Variants in DDI1 observed in about 807,000 individuals in gnomAD.
DDI1 encodes the protein protein DDI1 homolog 1.
A neutral mutation model predicts 7.2 loss-of-function variants in DDI1; 6 were observed. The observed-to-expected ratio is 0.83, with a 90% CI of 0.46 to 1.64. DDI1 has a LOEUF of 1.64. Among genes scored for constraint, DDI1 ranks in the 40% most tolerant of loss-of-function variants. The pLI is 0.01. For missense variants in DDI1, 502 were observed against 516.6 expected, an observed-to-expected ratio of 0.97 and a Z score of 0.27; for synonymous variants, 221 against 201.7, an observed-to-expected ratio of 1.10 and a Z score of -0.81.
At position 104,038,797 on chromosome 11, in the gene DDI1, G is replaced by A. The variant is rs1860300078; in HGVS notation, c.*784G>A. On this transcript the variant is annotated 3_prime_UTR_variant, in exon 1 of 1. Coordinates refer to ENST00000302259, the MANE Select transcript of DDI1 (RefSeq NM_001001711.3). Reference sequence around the variant, plus strand: ...TACTTCTTGGGAGTCAAGTTGTACAGTGGTGGGAATGAGAGGTGGGGACAG... The same window carrying A: ...TACTTCTTGGGAGTCAAGTTGTACAATGGTGGGAATGAGAGGTGGGGACAG... 1 of 167,070 alleles carries A rather than the reference G, an allele frequency of 6.0e-6. No individual in the cohort carries two copies. The highest frequency in any genetic ancestry group is 1.5e-5 in the Non-Finnish European group (1 of 68,112). The allele number at this position is 167,070 out of a possible 1,614,324, so 10.3% of individuals were successfully genotyped here. A position where few individuals can be genotyped will look rare whatever the true frequency, so the allele number is the denominator to read the frequency against.
Position 104,037,383 on chromosome 11 carries a change from A to G in DDI1, c.561A>G (p.Gln187=), listed in dbSNP as rs969265900. 1 of 1,613,948 alleles carries G rather than the reference A, an allele frequency of 6.2e-7. No individual in the cohort carries two copies. The highest frequency in any genetic ancestry group is 1.3e-5 in the African/African-American group (1 of 74,934). ...ETFSQVLMEQ[Q]REKALREQER... ...TTTCTCAGGTGCTGATGGAGCAGCA[A>G]AGGGAAAAGGCCTTGAGAGAGCAAG... The change falls in exon 1 of 1, where the codon CAA becomes CAG. Residue 187 remains glutamine (Q), a synonymous_variant. Coordinates refer to ENST00000302259, the MANE Select transcript of DDI1 (RefSeq NM_001001711.3).
rs753466565 is a variant in DDI1, at chr11:104,037,363, C to T, written c.541C>T (p.Gln181Ter). The T allele has an allele frequency of 6.2e-7, 1 of 1,614,126 alleles. No individual in the cohort carries two copies. Among genetic ancestry groups the T allele is most frequent in the South Asian group, 1.1e-5 (1 of 91,086 alleles). ...CAGCGGAAGCCTTGAGACCTTTTCT[C>T]AGGTGCTGATGGAGCAGCAAAGGGA... ...LLSGSLETFSQVLMEQQREKA... is the reference protein window; with the variant it reads ...LLSGSLETFS The change falls in exon 1 of 1, where the codon CAG (glutamine) becomes TAG (stop). Residue 181 changes from glutamine to a stop codon, truncating the protein, a stop_gained. Transcript: ENST00000302259. LOFTEE classifies it high-confidence loss of function.
In DDI1 at chr11:104,038,088, A is replaced by C; in HGVS notation, c.*75A>C. On this transcript the variant is annotated 3_prime_UTR_variant, in exon 1 of 1. Transcript: ENST00000302259. ...AATTATAAGTTAAGAGCTTACTGGC[A>C]ATGTAATCATTAAAAAACATCAGTA... is the stretch of plus-strand genomic sequence containing the variant. The C allele has an allele frequency of 7.1e-7, 1 of 1,408,222 alleles. No homozygotes were observed. Among genetic ancestry groups the C allele is most frequent in the South Asian group, 1.4e-5 (1 of 69,844 alleles). The allele number at this position is 1,408,222 out of a possible 1,614,324, so 87.2% of individuals were successfully genotyped here.
In DDI1 at chr11:104,036,997, T is replaced by C; in HGVS notation, c.175T>C (p.Cys59Arg). 1 of 1,614,232 alleles carries C rather than the reference T, an allele frequency of 6.2e-7. No individual in the cohort carries two copies. The change falls in exon 1 of 1, where the codon TGT becomes CGT. Residue 59 changes from cysteine to arginine, a missense_variant. By Grantham distance (180) the Cys-to-Arg change is radical (BLOSUM62 -3). Transcript: ENST00000302259. ...HMERLLIEDH[C>R]SLGSYGLKDG... is the part of the protein sequence containing the mutation. The stretch of plus-strand genomic sequence containing the variant: ...GGAGCGACTCCTCATCGAGGACCAC[T>C]GTTCCCTGGGCTCCTACGGCCTCAA...
chr11:104,037,776 C>T lies in DDI1; in HGVS notation c.954C>T (p.Phe318=). Residue 318 remains phenylalanine, a synonymous_variant, in exon 1 of 1, where the codon TTC becomes TTT. Transcript: ENST00000302259. ...QIEGDFLQCS[F]SILEDQPMDM... ...AAGGTGATTTCTTACAGTGCTCTTT[C>T]TCCATACTTGAGGATCAACCCATGG... 2 of 1,614,162 alleles carry T rather than the reference C, an allele frequency of 1.2e-6. No individual in the cohort carries two copies. The highest frequency in any genetic ancestry group is 1.7e-6 in the Non-Finnish European group (2 of 1,180,042).
In DDI1 at chr11:104,038,591, C is replaced by G. The variant is rs1431958374; in HGVS notation, c.*578C>G. On this transcript the variant is annotated 3_prime_UTR_variant, in exon 1 of 1. Coordinates refer to ENST00000302259, the MANE Select transcript of DDI1 (RefSeq NM_001001711.3). ...CAATTTCCTCATATTTACACCTTCC[C>G]TTCCCCTGGATCCCCTGCAGTCACC... 6.0e-6 allele frequency: 1 copy of G among 167,192 alleles called. No individual in the cohort carries two copies. Among genetic ancestry groups the G allele is most frequent in the African/African-American group, 2.4e-5 (1 of 41,434 alleles). The allele number at this position is 167,192 out of a possible 1,614,324, so 10.4% of individuals were successfully genotyped here.
Position 104,037,033 on chromosome 11 carries a change from ATC to A in DDI1, c.212_213del (p.Ile71SerfsTer106), listed in dbSNP as rs780033116. The A allele has an allele frequency of 1.2e-6, 2 of 1,614,210 alleles. No homozygotes were observed. Among genetic ancestry groups the A allele is most frequent in the Non-Finnish European group, 8.5e-7 (1 of 1,180,030 alleles). On this transcript the variant is annotated frameshift_variant, in exon 1 of 1. Coordinates refer to ENST00000302259, the MANE Select transcript of DDI1 (RefSeq NM_001001711.3). LOFTEE classifies it low-confidence loss of function (END_TRUNC). ...LGSYGLKDGDIVVLLQKDNVG... is the reference protein window; with the variant it reads ...LGSYGLKDGDXVVLLQKDNVG... ...CTCCTACGGCCTCAAAGATGGCGAT[ATC>A]GTGGTTTTACTGCAGAAGGACAATG...
Position 104,037,735 on chromosome 11 carries a change from G to C in DDI1, c.913G>C (p.Ala305Pro), listed in dbSNP as rs1289492765. 1 of 1,614,112 alleles carries C rather than the reference G, an allele frequency of 6.2e-7. No individual in the cohort carries two copies. Among genetic ancestry groups the C allele is most frequent in the Non-Finnish European group, 8.5e-7 (1 of 1,180,038 alleles). The change falls in exon 1 of 1, where the codon GCT (alanine) becomes CCT (proline). Residue 305 changes from alanine to proline, a missense_variant. Ala to Pro is a conservative substitution (Grantham distance 27). Transcript: ENST00000302259. ...GAGAATTATTGGCCGTGTTCATCTA[G>C]CTCAGATTCAAATTGAAGGTGATTT... The part of the protein sequence containing the change: ...TQRIIGRVHL[A>P]QIQIEGDFLQ...
In DDI1 at chr11:104,037,557, C is replaced by T. The variant is rs1013354964; in HGVS notation, c.735C>T (p.Tyr245=). 17 of 1,614,010 alleles carry T rather than the reference C, an allele frequency of 1.1e-5. 1 individual carries two copies. The East Asian group carries it at 3.6e-4, about 34-fold the overall frequency. ...PESFGQVTML[Y]INCKVNGHPL... The stretch of plus-strand genomic sequence containing the variant: ...GTTTTGGACAAGTGACGATGCTCTA[C>T]ATTAACTGCAAAGTGAATGGGCATC... Residue 245 remains tyrosine, a synonymous_variant, in exon 1 of 1, where the codon TAC becomes TAT. Transcript: ENST00000302259.
chr11:104,037,626 G>T lies in DDI1; in HGVS notation c.804G>T (p.Met268Ile). ...ACTCGGGCGCCCAGATGACCATTAT[G>T]AGCCAGGCTTGTGCCGAGCGATGTA... The part of the protein sequence containing the change: ...FVDSGAQMTI[M>I]SQACAERCNI... Residue 268 changes from methionine (M) to isoleucine (I), a missense_variant, in exon 1 of 1, where the codon ATG becomes ATT. By Grantham distance (10) the Met-to-Ile change is conservative (BLOSUM62 1). Coordinates refer to ENST00000302259, the MANE Select transcript of DDI1 (RefSeq NM_001001711.3). 1 of 1,614,138 alleles carries T rather than the reference G, an allele frequency of 6.2e-7. No homozygotes were observed. The highest frequency in any genetic ancestry group is 1.6e-4 in the Middle Eastern group (1 of 6,062).
Position 104,037,312 on chromosome 11 carries a change from A to G in DDI1, c.490A>G (p.Asn164Asp). Residue 164 changes from asparagine to aspartate, a missense_variant, in exon 1 of 1, where the codon AAC becomes GAC. Transcript: ENST00000302259. ...CGATCTGTCCCTGCTCAAGGAACGC[A>G]ACCCTCCCTTGGCGGAAGCCCTGCT... ...PHDLSLLKERNPPLAEALLSG... is the reference protein window; with the variant it reads ...PHDLSLLKERDPPLAEALLSG... The G allele has an allele frequency of 6.2e-7, 1 of 1,613,662 alleles. No homozygotes were observed. The highest frequency in any genetic ancestry group is 8.5e-7 in the Non-Finnish European group (1 of 1,179,620).
Position 104,036,756 on chromosome 11 carries a change from G to T in DDI1, c.-67G>T. ...GAGGAGCAGCGGCACCAACGACGCA[G>T]GCCCGCCCCAGCCCGCCAGTGAGCC... On this transcript the variant is annotated 5_prime_UTR_variant, in exon 1 of 1. It adds an upstream start codon to the 5' untranslated region. Coordinates refer to ENST00000302259, the MANE Select transcript of DDI1 (RefSeq NM_001001711.3). 7.5e-7 allele frequency: 1 copy of T among 1,328,826 alleles called. No homozygotes were observed. Among genetic ancestry groups the T allele is most frequent in the Non-Finnish European group, 1.1e-6 (1 of 943,834 alleles). 82.3% of individuals were successfully genotyped at this position (1,328,826 alleles called of 1,614,324 possible).
chr11:104,037,137 C>G lies in DDI1; in HGVS notation c.315C>G (p.Ser105=). 1 of 1,613,896 alleles carries G rather than the reference C, an allele frequency of 6.2e-7. No individual in the cohort carries two copies. The highest frequency in any genetic ancestry group is 2.2e-5 in the East Asian group (1 of 44,868). Residue 105 remains serine, a synonymous_variant, in exon 1 of 1, where the codon TCC becomes TCG. Transcript: ENST00000302259. ...GTGGCATTGCGGTGCCTGGGACGTC[C>G]AGCTCCCGTCCACAGCACCCTGGAC... is the stretch of plus-strand genomic sequence containing the variant. ...DFSGIAVPGT[S]SSRPQHPGQQ...
In DDI1 at chr11:104,036,681, G is replaced by T; in HGVS notation, c.-142G>T. 1 of 680,010 alleles carries T rather than the reference G, an allele frequency of 1.5e-6. No individual in the cohort carries two copies. Among genetic ancestry groups the T allele is most frequent in the East Asian group, 2.5e-5 (1 of 39,378 alleles). The allele number at this position is 680,010 out of a possible 1,614,324, so 42.1% of individuals were successfully genotyped here. A position where few individuals can be genotyped will look rare whatever the true frequency, so the allele number is the denominator to read the frequency against. ...AGCCCCCAGACAGATGAGTGTCCGC[G>T]CCTCTCTGAGAGGTGAATGAGCCCG... On this transcript the variant is annotated 5_prime_UTR_variant, in exon 1 of 1. Transcript: ENST00000302259.
rs1860271235 is a variant in DDI1 at position 104,037,562 on chromosome 11, A to C, written c.740A>C (p.Asn247Thr). 1 of 1,613,928 alleles carries C rather than the reference A, an allele frequency of 6.2e-7. No individual in the cohort carries two copies. The highest frequency in any genetic ancestry group is 1.3e-5 in the African/African-American group (1 of 74,884). Residue 247 changes from asparagine (N) to threonine (T), a missense_variant, in exon 1 of 1, where the codon AAC (asparagine) becomes ACC (threonine). By Grantham distance (65) the Asn-to-Thr change is moderately conservative. Coordinates refer to ENST00000302259, the MANE Select transcript of DDI1 (RefSeq NM_001001711.3). Reference sequence around the variant, plus strand: ...GGACAAGTGACGATGCTCTACATTAACTGCAAAGTGAATGGGCATCCTTTG... The same window carrying C: ...GGACAAGTGACGATGCTCTACATTACCTGCAAAGTGAATGGGCATCCTTTG... ...SFGQVTMLYI[N>T]CKVNGHPLKA...
At position 104,037,364 on chromosome 11, in the gene DDI1, A is replaced by G. The variant is rs1362796851; in HGVS notation, c.542A>G (p.Gln181Arg). ...LLSGSLETFS[Q>R]VLMEQQREKA... ...AGCGGAAGCCTTGAGACCTTTTCTC[A>G]GGTGCTGATGGAGCAGCAAAGGGAA... Residue 181 changes from glutamine (Q) to arginine (R), a missense_variant, in exon 1 of 1, where the codon CAG becomes CGG. Gln to Arg is a conservative substitution (Grantham distance 43, BLOSUM62 1). Coordinates refer to ENST00000302259, the MANE Select transcript of DDI1 (RefSeq NM_001001711.3). 4.3e-6 allele frequency: 7 copies of G among 1,614,024 alleles called. No homozygotes were observed. Among genetic ancestry groups the G allele is most frequent in the Admixed American group, 1.7e-5 (1 of 60,006 alleles).
Position 104,037,714 on chromosome 11 carries a change from A to T in DDI1, c.892A>T (p.Ile298Phe), listed in dbSNP as rs1326365118. ...TGCTAAAGGAGTGGGCACACAGAGA[A>T]TTATTGGCCGTGTTCATCTAGCTCA... ...GVAKGVGTQR[I>F]IGRVHLAQIQ... is the part of the protein sequence containing the mutation. Residue 298 changes from isoleucine to phenylalanine, a missense_variant, in exon 1 of 1, where the codon ATT (isoleucine) becomes TTT (phenylalanine). Coordinates refer to ENST00000302259, the MANE Select transcript of DDI1 (RefSeq NM_001001711.3). The T allele has an allele frequency of 6.2e-7, 1 of 1,614,060 alleles. No homozygotes were observed. Among genetic ancestry groups the T allele is most frequent in the Non-Finnish European group, 8.5e-7 (1 of 1,180,002 alleles).
Position 104,038,364 on chromosome 11 carries a change from G to A in DDI1, c.*351G>A. On this transcript the variant is annotated 3_prime_UTR_variant, in exon 1 of 1. Coordinates refer to ENST00000302259, the MANE Select transcript of DDI1 (RefSeq NM_001001711.3). ...TCATTGCTATTTTGCAGAATTCCCT[G>A]GAAAAATGCTATGGCTGCAGACCTT... is the stretch of plus-strand genomic sequence containing the variant. The A allele has an allele frequency of 4.6e-6, 1 of 216,654 alleles. No homozygotes were observed. Among genetic ancestry groups the A allele is most frequent in the Non-Finnish European group, 1.0e-5 (1 of 98,330 alleles). 13.4% of individuals were successfully genotyped at this position (216,654 alleles called of 1,614,324 possible).
In DDI1 at chr11:104,037,962, G is replaced by C. The variant is rs115179914; in HGVS notation, c.1140G>C (p.Ser380=). 11 of 1,613,862 alleles carry C rather than the reference G, an allele frequency of 6.8e-6. No individual in the cohort carries two copies. The highest frequency in any genetic ancestry group is 3.3e-5 in the Admixed American group (2 of 59,984). ...TGGTAAGTGGGCAAGATGAGTCTTC[G>C]GACAAGGAAATTACACATTCAGTCA... ...SRMVSGQDES[S]DKEITHSVMD... The change falls in exon 1 of 1, where the codon TCG becomes TCC. Residue 380 remains serine, a synonymous_variant. Coordinates refer to ENST00000302259, the MANE Select transcript of DDI1 (RefSeq NM_001001711.3).
Sources: gnomAD v4.1 joint callset for allele counts on GRCh38, gnomAD v4.1.1 for gene constraint, MANE v1.5 for transcripts, NCBI Gene and HGNC (gene_info 2026-07-23, HGNC 2026-07-21) for gene names.